Variants in CYP3A43 observed in about 807,000 individuals in gnomAD.
CYP3A43 encodes the protein cytochrome P450 3A43.
CYP3A43 carries 45 observed loss-of-function variants against 58.0 expected under a neutral mutation model. That is an observed-to-expected ratio of 0.78 (90% CI 0.61 to 0.99). The LOEUF (loss-of-function observed/expected upper bound fraction) is 0.99, where lower values mean the gene tolerates loss of function less well. Ranked by LOEUF, CYP3A43 falls within the 50% of genes least tolerant of loss-of-function variation. The probability of loss-of-function intolerance (pLI) is 0.00; values close to 1 mark genes in which losing one functional copy is unlikely to be tolerated. For synonymous variants in CYP3A43, 191 were observed against 201.4 expected (o/e 0.95, Z 0.44); for missense variants, 593 against 591.9 (o/e 1.00, Z -0.02).
chr7:99,849,730 C>G, intron 7 of CYP3A43, 36 bp downstream of exon 7: 1 of 1,527,420 alleles, frequency 6.5e-7, no homozygotes, highest in Non-Finnish European at 8.8e-7. Flanking sequence ...CTCTCTCTCT[C>G]TCTCTCATCT....
At chr7:99,834,354 C>T (rs1816977477) in intron 1 of CYP3A43, among the ~76,000 whole-genome samples, 1 of 152,132 alleles carries the variant, frequency 6.6e-6, no homozygotes, top group Non-Finnish European at 1.5e-5. Context: ...TTTCCAGTCT[C>T]CTATGTCCAC....
Position 99,828,044 on chromosome 7 carries a change from C to A in CYP3A43, c.-72C>A, listed in dbSNP as rs1232938369. On this transcript the variant is annotated 5_prime_UTR_variant, in exon 1 of 13. Transcript: ENST00000354829. ...GGGCAGAGAAACAAAGCTCTATATG[C>A]ACAGCCCAGCAAAGAGCAGCACACA... The A allele has an allele frequency of 2.3e-6, 3 of 1,292,124 alleles. No homozygotes were observed. Among genetic ancestry groups the A allele is most frequent in the African/African-American group, 1.5e-5 (1 of 68,216 alleles). The allele number at this position is 1,292,124 out of a possible 1,614,324, so 80.0% of individuals were successfully genotyped here.
At chr7:99,848,317 C>T in intron 6 of CYP3A43, 63 bp downstream of exon 6, 1 of 1,507,434 alleles carries the variant, frequency 6.6e-7, no homozygotes, top group Non-Finnish European at 9.2e-7. Context: ...TGCAGTGGAG[C>T]TGATATTCCC....
Position 99,828,070 on chromosome 7 carries a change from G to T in CYP3A43, c.-46G>T. ...ACAGCCCAGCAAAGAGCAGCACACA[G>T]CTGAAAGAAAAACTCAGAAGACAGA... is the stretch of plus-strand genomic sequence containing the variant. On this transcript the variant is annotated 5_prime_UTR_variant, in exon 1 of 13. Coordinates refer to ENST00000354829, the MANE Select transcript of CYP3A43 (RefSeq NM_057095.3). The T allele has an allele frequency of 6.4e-7, 1 of 1,556,138 alleles. No individual in the cohort carries two copies.
At chr7:99,852,347 A>T (rs750997258) in intron 7 of CYP3A43, among the ~76,000 whole-genome samples, 2 of 152,200 alleles carry the variant, frequency 1.3e-5, no homozygotes, top group Admixed American at 6.5e-5. Flanking sequence ...TCTAGCTAGG[A>T]TTCTGATAAT....
intron 11 of CYP3A43, 96 bp downstream of exon 11, chr7:99,861,935 C>T: frequency 3.6e-6 from 4 of 1,115,864 alleles, no homozygotes; most frequent in South Asian, 1.7e-5. Context: ...TGAATATGTG[C>T]CTTTTCATTT....
rs780446426 is a variant in CYP3A43, at chr7:99,861,772, G to T, written c.1186G>T (p.Val396Phe). 3.1e-6 allele frequency: 5 copies of T among 1,614,084 alleles called. No homozygotes were observed. In the East Asian group the frequency reaches 1.1e-4, roughly 36 times the overall value. The change falls in exon 11 of 13, where the codon GTT (valine) becomes TTT (phenylalanine). Residue 396 changes from valine (V) to phenylalanine (F), a missense_variant. Physicochemically the swap from Val to Phe is conservative, Grantham distance 50. Transcript: ENST00000354829. ...CATTCCCAAAGGGTTAGCAGTGATG[G>T]TTCCAATCTATGCTCTTCACCATGA... ...VFIPKGLAVM[V>F]PIYALHHDPK...
At chr7:99,834,407 T>A (rs1265058072) in intron 1 of CYP3A43, among the ~76,000 whole-genome samples, 1 of 152,204 alleles carries the variant, frequency 6.6e-6, no homozygotes, top group Non-Finnish European at 1.5e-5. Flanking sequence ...TTATGCCTCT[T>A]CTAGTTCTTT....
chr7:99,857,311 T>G lies in CYP3A43; in HGVS notation c.865+412T>G, dbSNP rs184642909. Among the ~76,000 whole-genome samples the G allele has an allele frequency of 3.3e-5, 5 of 152,368 alleles. No homozygotes were observed. In the East Asian group the frequency reaches 9.6e-4, roughly 29 times the overall value. Reference sequence around the variant, plus strand: ...AAGTGTGTTCACAAGGTTAATCTACTGACGGGTTTTATTTTTCCCTATATA... The same window carrying G: ...AAGTGTGTTCACAAGGTTAATCTACGGACGGGTTTTATTTTTCCCTATATA... On this transcript the variant is annotated intron_variant, in intron 9 of 12. Coordinates refer to ENST00000354829, the MANE Select transcript of CYP3A43 (RefSeq NM_057095.3).
Position 99,844,247 on chromosome 7 carries a change from G to T in CYP3A43, c.318+5G>T. 6.2e-7 allele frequency: 1 copy of T among 1,609,770 alleles called. No homozygotes were observed. Among genetic ancestry groups the T allele is most frequent in the East Asian group, 2.2e-5 (1 of 44,842 alleles). On this transcript the variant is annotated splice_donor_5th_base_variant and intron_variant, in intron 4 of 12. Coordinates refer to ENST00000354829, the MANE Select transcript of CYP3A43 (RefSeq NM_057095.3). ...TCTGTCTTCACAAACCAGATGGTAGGCCTATATTTTCAAATGTATTAATCA... is the reference window on the plus strand; with the variant it reads ...TCTGTCTTCACAAACCAGATGGTAGTCCTATATTTTCAAATGTATTAATCA...
intron 3 of CYP3A43, among the ~76,000 whole-genome samples, chr7:99,842,829 T>A (rs1449746586): frequency 6.6e-6 from 1 of 152,232 alleles, no homozygotes; most frequent in Non-Finnish European, 1.5e-5. Flanking sequence ...CTCGTAAGTT[T>A]CTCACAAGGA....
rs550808357 is a variant in CYP3A43 at position 99,864,106 on chromosome 7, A to G, written c.1416+407A>G. ...GAACTTGCAGAAGCTTTCTCATGAC[A>G]GTGTTTCTCAACCACTAGCTGTACA... is the stretch of plus-strand genomic sequence containing the variant. On this transcript the variant is annotated intron_variant, in intron 12 of 12. Coordinates refer to ENST00000354829, the MANE Select transcript of CYP3A43 (RefSeq NM_057095.3). 6.1e-4 allele frequency among the ~76,000 whole-genome samples: 91 copies of G among 148,758 alleles called. 1 individual carries two copies. The highest frequency in any genetic ancestry group is 4.7e-4 in the Non-Finnish European group (32 of 68,016).
intron 1 of CYP3A43, among the ~76,000 whole-genome samples, chr7:99,832,045 G>GA (rs1816862866): frequency 6.6e-6 from 1 of 152,088 alleles, no homozygotes. Context: ...ATAGAAATAA[G>GA]AACACTATGA....
chr7:99,831,307 A>T (rs1345003068), intron 1 of CYP3A43, among the ~76,000 whole-genome samples: 2 of 152,242 alleles, frequency 1.3e-5, no homozygotes, highest in African/African-American at 4.8e-5. Flanking sequence ...AGAGAAATCA[A>T]GTTTCTAATT....
At chr7:99,854,299 C>T (rs1308597976) in intron 7 of CYP3A43, among the ~76,000 whole-genome samples, 9 of 151,544 alleles carry the variant, frequency 5.9e-5, no homozygotes, top group African/African-American at 1.7e-4. Flanking sequence ...CTCTGCCTCC[C>T]GGGTTTAAGC....
chr7:99,837,318 C>CAAAAAAAAAAAAA (rs35566033), intron 2 of CYP3A43, among the ~76,000 whole-genome samples: 1 of 66,690 alleles, frequency 1.5e-5, no homozygotes, highest in Non-Finnish European at 3.4e-5. Context: ...GACTGTGTCT[C>CAAAAAAAAAAAAA]AAAAAAAAAA....
chr7:99,851,686 A>T (rs760074485), intron 7 of CYP3A43, among the ~76,000 whole-genome samples: 3 of 152,222 alleles, frequency 2.0e-5, no homozygotes, highest in Non-Finnish European at 4.4e-5. Context: ...CTTCTCAGGC[A>T]TATGATTTGC....
intron 1 of CYP3A43, among the ~76,000 whole-genome samples, chr7:99,829,424 T>C (rs1816751747): frequency 6.6e-6 from 1 of 152,184 alleles, no homozygotes; most frequent in African/African-American, 2.4e-5. Flanking sequence ...GCATGAGATA[T>C]CAAATACATT....
rs777521022 is a variant in CYP3A43, at chr7:99,855,686, A to G, written c.766A>G (p.Met256Val). The change falls in exon 8 of 13, where the codon ATG (methionine) becomes GTG (valine). Residue 256 changes from methionine (M) to valine (V), a missense_variant. Physicochemically the swap from Met to Val is conservative, Grantham distance 21 (BLOSUM62 1). Transcript: ENST00000354829. ...TTTTTTAAAAAATTCCATTGAAAGG[A>G]TGAAAGAAAGTCGCCTCAAAGATAA... ...THFLKNSIER[M>V]KESRLKDKQK... The G allele has an allele frequency of 1.2e-6, 2 of 1,612,564 alleles. No homozygotes were observed. Among genetic ancestry groups the G allele is most frequent in the African/African-American group, 2.7e-5 (2 of 74,866 alleles).
Sources: allele counts gnomAD v4.1 joint callset (sites outside exome capture counted in the v4.1 genomes callset), GRCh38; gene constraint gnomAD v4.1.1; transcripts MANE v1.5; gene names NCBI Gene and HGNC (gene_info 2026-07-23, HGNC 2026-07-21).